The following EYA2 variants were observed in gnomAD, a reference collection of about 807,000 sequenced individuals.
The protein encoded by EYA2 is EYA transcriptional coactivator and phosphatase 2, also known as protein phosphatase EYA2.
EYA2 carries 31 observed loss-of-function variants against 69.2 expected under a neutral mutation model. The ratio of observed to expected loss-of-function variants is 0.45; its 90% CI spans 0.34 to 0.60. The LOEUF is 0.60. EYA2 is among the 20% of genes least tolerant of loss of function. EYA2 has a pLI of 0.02. For missense variants in EYA2, 622 were observed against 701.2 expected (o/e 0.89, Z 1.28); for synonymous variants, 257 against 279.4 (o/e 0.92, Z 0.80).
chr20:47,050,879 C>T (rs113985834), intron 5 of EYA2, among the ~76,000 whole-genome samples: 9 of 152,358 alleles, frequency 5.9e-5, no homozygotes, highest in African/African-American at 1.9e-4. Context: ...ACCTGAGAAC[C>T]TTGCAGCGTT....
chr20:47,120,201 C>G (rs2033008788), intron 9 of EYA2, among the ~76,000 whole-genome samples: 1 of 151,878 alleles, frequency 6.6e-6, no homozygotes, highest in Admixed American at 6.6e-5. Context: ...GAGCAAGACT[C>G]CGCCTCAAAA....
chr20:46,985,375 A>G (rs574596586), intron 1 of EYA2, among the ~76,000 whole-genome samples: 1 of 152,310 alleles, frequency 6.6e-6, no homozygotes, highest in South Asian at 2.1e-4. Flanking sequence ...AATACACCAG[A>G]AGCCTTAGTA....
At chr20:47,167,465 G>T (rs1268544730) in intron 10 of EYA2, among the ~76,000 whole-genome samples, 1 of 151,606 alleles carries the variant, frequency 6.6e-6, no homozygotes, top group African/African-American at 2.4e-5. Flanking sequence ...TGTATTTTTA[G>T]TAGAGGTGGG....
intron 1 of EYA2, among the ~76,000 whole-genome samples, chr20:46,923,722 A>G (rs1054557569): frequency 3.3e-5 from 5 of 152,052 alleles, no homozygotes; most frequent in Non-Finnish European, 5.9e-5. Flanking sequence ...AGAGAGAGAG[A>G]GGGAATTGGT....
At chr20:47,171,578 G>A (rs1330669783) in intron 11 of EYA2, among the ~76,000 whole-genome samples, 1 of 152,032 alleles carries the variant, frequency 6.6e-6, no homozygotes, top group Non-Finnish European at 1.5e-5. Context: ...GGAATGTGAG[G>A]CATAGAGAGA....
intron 10 of EYA2, chr20:47,161,711 A>T: frequency 5.3e-6 from 1 of 189,574 alleles, no homozygotes; most frequent in South Asian, 9.2e-5. Context: ...ATCCCCCAAA[A>T]CCGGATGTTT....
intron 1 of EYA2, chr20:46,901,846 C>G (rs1337789294): frequency 7.9e-5 from 12 of 152,156 alleles, no homozygotes; most frequent in Admixed American, 7.2e-4. Flanking sequence ...GTTTTAGCCC[C>G]GTCCAGACAT....
At chr20:46,927,406 G>A (rs62201225) in intron 1 of EYA2, among the ~76,000 whole-genome samples, 2 of 152,180 alleles carry the variant, frequency 1.3e-5, no homozygotes, top group African/African-American at 2.4e-5. Context: ...CAGCATGGCT[G>A]TATTAATCTG....
intron 9 of EYA2, among the ~76,000 whole-genome samples, chr20:47,110,559 A>T (rs6066203): frequency 0.34 from 51,184 of 151,972 alleles, 9,786 homozygotes; most frequent in Non-Finnish European, 0.42. Context: ...GTCCCTAGTG[A>T]TCCATGTGAC....
rs918393360 is a variant in EYA2 at position 47,160,549 on chromosome 20, A to C, written c.979-8590A>C. The stretch of plus-strand genomic sequence containing the variant: ...ATGGTCAGATTGTGGGTATATGTCG[A>C]AGGGAAAGCCAACAGGATTTGGTGA... On this transcript the variant is annotated intron_variant, in intron 10 of 15. Transcript: ENST00000327619. Among the ~76,000 whole-genome samples, 4 of 152,060 alleles carry C rather than the reference A, an allele frequency of 2.6e-5. No individual in the cohort carries two copies. The South Asian group carries it at 6.2e-4, about 24-fold the overall frequency.
At chr20:47,128,334 C>CT (rs1000958065) in intron 9 of EYA2, among the ~76,000 whole-genome samples, 1 of 152,190 alleles carries the variant, frequency 6.6e-6, no homozygotes, top group Non-Finnish European at 1.5e-5. Flanking sequence ...GTGGGCTCTC[C>CT]TTTTGTCCCC....
intron 10 of EYA2, among the ~76,000 whole-genome samples, chr20:47,164,544 C>T (rs1479095658): frequency 1.3e-5 from 2 of 152,118 alleles, no homozygotes; most frequent in African/African-American, 2.4e-5. Flanking sequence ...GTTTCCTCTG[C>T]GCCTGGGTCT....
Position 47,016,166 on chromosome 20 carries a change from C to T in EYA2, c.299-15C>T, listed in dbSNP as rs1305810357. 4 of 1,595,120 alleles carry T rather than the reference C, an allele frequency of 2.5e-6. No individual in the cohort carries two copies. Among genetic ancestry groups the T allele is most frequent in the South Asian group, 2.2e-5 (2 of 90,496 alleles). ...TGTGTCCTTGGTCCTTTTTTTTCCCCCTCTTCCTTCAAAGGCATCAAGACA... is the reference window on the plus strand; with the variant it reads ...TGTGTCCTTGGTCCTTTTTTTTCCCTCTCTTCCTTCAAAGGCATCAAGACA... On this transcript the variant is annotated splice_polypyrimidine_tract_variant and intron_variant, in intron 4 of 15. Transcript: ENST00000327619.
chr20:46,944,461 G>T (rs1892708311), intron 1 of EYA2, among the ~76,000 whole-genome samples: 1 of 152,170 alleles, frequency 6.6e-6, no homozygotes, highest in South Asian at 2.1e-4. Context: ...GGAGGAGGAT[G>T]TGAGGTGTGT....
chr20:46,927,365 G>C (rs1374730418), intron 1 of EYA2, among the ~76,000 whole-genome samples: 1 of 152,184 alleles, frequency 6.6e-6, no homozygotes, highest in African/African-American at 2.4e-5. Context: ...TGGTGCAGTG[G>C]TTACGTGTTG....
intron 1 of EYA2, among the ~76,000 whole-genome samples, chr20:46,970,351 C>G (rs1980064260): frequency 6.6e-6 from 1 of 152,086 alleles, no homozygotes; most frequent in Non-Finnish European, 1.5e-5. Flanking sequence ...AGGTTCTCAA[C>G]CAGGGTTGAT....
At chr20:47,023,815 T>G (rs546358318) in intron 5 of EYA2, among the ~76,000 whole-genome samples, 91 of 152,014 alleles carry the variant, frequency 6.0e-4, no homozygotes, top group Non-Finnish European at 6.9e-4. Context: ...TTTTTGTATA[T>G]TAAGTGGAGA....
intron 3 of EYA2, 67 bp from the exon 4 acceptor site, chr20:47,004,875 T>C (rs1343583355): frequency 2.5e-6 from 4 of 1,610,094 alleles, no homozygotes; most frequent in Non-Finnish European, 3.4e-6. Flanking sequence ...GGGGTGTTGA[T>C]ATCAAGATAA....
chr20:46,922,086 G>T (rs762872605), intron 1 of EYA2, among the ~76,000 whole-genome samples: 13 of 152,310 alleles, frequency 8.5e-5, no homozygotes, highest in Non-Finnish European at 1.5e-4. Flanking sequence ...GCAAGTTGAG[G>T]CTGGAACCTG....
Sources: gnomAD v4.1 joint callset for allele counts (sites outside exome capture counted in the v4.1 genomes callset) on GRCh38, gnomAD v4.1.1 for gene constraint, MANE v1.5 for transcripts, NCBI Gene and HGNC (gene_info 2026-07-23, HGNC 2026-07-21) for gene names.